The following GRID2 variants were observed in gnomAD, a reference collection of about 807,000 sequenced individuals.
GRID2 encodes the protein glutamate ionotropic receptor delta type subunit 2.
A neutral mutation model predicts 114.8 loss-of-function variants in GRID2; 33 were observed. That is an observed-to-expected ratio of 0.29 (90% CI 0.22 to 0.38). The LOEUF is 0.38. Among genes scored for constraint, GRID2 ranks in the 10% least tolerant of loss-of-function variants. The probability of loss-of-function intolerance (pLI) is 1.00; values close to 1 mark genes in which losing one functional copy is unlikely to be tolerated. For synonymous variants in GRID2, 505 were observed against 449.9 expected (o/e 1.12, Z -1.55); for missense variants, 1,184 against 1,257.7 (o/e 0.94, Z 0.89).
At chr4:92,897,371 TCAATCATA>T (rs1458219150) in intron 2 of GRID2, among the ~76,000 whole-genome samples, 9 of 152,144 alleles carry the variant, frequency 5.9e-5, no homozygotes, top group Non-Finnish European at 1.0e-4. Context: ...TAAACTATTC[TCAATCATA>T]CAAAACAGTG....
chr4:93,563,452 A>G (rs1034405133), intron 13 of GRID2, among the ~76,000 whole-genome samples: 1 of 151,918 alleles, frequency 6.6e-6, no homozygotes, highest in Non-Finnish European at 1.5e-5. Flanking sequence ...ATTCAGTCCT[A>G]AGGACAAACT....
At chr4:93,141,433 G>C (rs1301734519) in intron 4 of GRID2, among the ~76,000 whole-genome samples, 1 of 152,084 alleles carries the variant, frequency 6.6e-6, no homozygotes, top group Non-Finnish European at 1.5e-5. Flanking sequence ...CAAAAAGTGA[G>C]GAAGTAAGAC....
intron 4 of GRID2, among the ~76,000 whole-genome samples, chr4:93,140,160 C>CTTTTTTTTTTTTTTTTT (rs10684978): frequency 3.1e-5 from 4 of 128,264 alleles, no homozygotes; most frequent in Admixed American, 8.5e-5. Context: ...CTTTTCTTTT[C>CTTTTTTTTTTTTTTTTT]TTTTTTTTTT....
rs201021813 is a variant in GRID2 at position 92,452,818 on chromosome 4, G to GTTTACCATATATATATA, written c.89-137281_89-137265dup. 7.7e-3 allele frequency among the ~76,000 whole-genome samples: 1,079 copies of GTTTACCATATATATATA among 139,786 alleles called. 20 individuals are homozygous for GTTTACCATATATATATA. Among genetic ancestry groups the GTTTACCATATATATATA allele is most frequent in the African/African-American group, 0.03 (1,030 of 34,698 alleles). The allele number at this position is 139,786 out of a possible 152,430, so 91.7% of individuals were successfully genotyped here. On this transcript the variant is annotated intron_variant, in intron 1 of 15. Coordinates refer to ENST00000282020, the MANE Select transcript of GRID2 (RefSeq NM_001510.4). The stretch of plus-strand genomic sequence containing the variant: ...TATGATACATGTATATATAATATAT[G>GTTTACCATATATATATA]TTTACCATATATATATATTTACCAT...
chr4:92,701,250 T>C (rs1430672601), intron 2 of GRID2, among the ~76,000 whole-genome samples: 1 of 152,156 alleles, frequency 6.6e-6, no homozygotes, highest in African/African-American at 2.4e-5. Flanking sequence ...AAACCTAATA[T>C]TTTTTAGCCC....
At chr4:93,101,049 G>C (rs1161878935) in intron 3 of GRID2, among the ~76,000 whole-genome samples, 1 of 151,880 alleles carries the variant, frequency 6.6e-6, no homozygotes, top group African/African-American at 2.4e-5. Context: ...TTTTTGTTTT[G>C]CTCAACATTC....
At chr4:93,055,356 T>A (rs557605274) in intron 2 of GRID2, among the ~76,000 whole-genome samples, 1 of 151,732 alleles carries the variant, frequency 6.6e-6, no homozygotes, top group East Asian at 1.9e-4. Context: ...ATTCATAGGT[T>A]CTTCACTTGC....
intron 2 of GRID2, among the ~76,000 whole-genome samples, chr4:92,944,632 C>T (rs1045808125): frequency 7.9e-5 from 12 of 152,228 alleles, no homozygotes. Context: ...AAGTAGAAAT[C>T]ACCTCTCTTG....
chr4:92,952,307 T>C (rs768868718), intron 2 of GRID2, among the ~76,000 whole-genome samples: 1 of 152,228 alleles, frequency 6.6e-6, no homozygotes, highest in Non-Finnish European at 1.5e-5. Flanking sequence ...TGTTTACATA[T>C]TTTTATCATA....
At chr4:92,343,293 T>G (rs759544716) in intron 1 of GRID2, among the ~76,000 whole-genome samples, 2 of 151,508 alleles carry the variant, frequency 1.3e-5, no homozygotes, top group Non-Finnish European at 2.9e-5. Context: ...ATTATACACA[T>G]GCTTAGTACT....
chr4:93,299,630 A>G (rs1196474657), intron 8 of GRID2, among the ~76,000 whole-genome samples: 1 of 151,910 alleles, frequency 6.6e-6, no homozygotes, highest in African/African-American at 2.4e-5. Context: ...CGGCACACCA[A>G]CATGGCACAT....
intron 2 of GRID2, among the ~76,000 whole-genome samples, chr4:92,934,693 T>C (rs1323844778): frequency 5.5e-5 from 8 of 146,514 alleles, no homozygotes; most frequent in East Asian, 2.2e-4. Flanking sequence ...AACAGAGATA[T>C]AGATCAACAG....
intron 1 of GRID2, among the ~76,000 whole-genome samples, chr4:92,498,627 A>C (rs1211653068): frequency 6.6e-6 from 1 of 151,926 alleles, no homozygotes; most frequent in Non-Finnish European, 1.5e-5. Flanking sequence ...TGGACTAGGA[A>C]TAAATAAATA....
intron 2 of GRID2, among the ~76,000 whole-genome samples, chr4:93,064,637 A>T (rs778715455): frequency 4.6e-5 from 7 of 151,870 alleles, no homozygotes; most frequent in Non-Finnish European, 1.0e-4. Flanking sequence ...TGAATTACTA[A>T]CTAAAAGATT....
chr4:92,787,378 T>C (rs1406683540), intron 2 of GRID2, among the ~76,000 whole-genome samples: 1 of 151,288 alleles, frequency 6.6e-6, no homozygotes, highest in Non-Finnish European at 1.5e-5. Context: ...GAAAAAGAGG[T>C]GAGGAATTTT....
chr4:93,428,335 C>T (rs932351353), intron 10 of GRID2, among the ~76,000 whole-genome samples: 2 of 152,022 alleles, frequency 1.3e-5, no homozygotes, highest in African/African-American at 4.8e-5. Flanking sequence ...CTCATTTAAA[C>T]CATAATTAGT....
chr4:93,430,339 C>G (rs1006167071), intron 10 of GRID2, among the ~76,000 whole-genome samples: 3 of 152,124 alleles, frequency 2.0e-5, no homozygotes, highest in African/African-American at 7.2e-5. Context: ...CACCACCATA[C>G]CCGGCTAATT....
intron 4 of GRID2, among the ~76,000 whole-genome samples, chr4:93,173,260 G>GA (rs1224382442): frequency 3.9e-5 from 6 of 151,920 alleles, no homozygotes; most frequent in Non-Finnish European, 8.8e-5. Flanking sequence ...TATTAAAGTG[G>GA]AAAAAAACAG....
intron 1 of GRID2, among the ~76,000 whole-genome samples, chr4:92,524,501 G>A (rs1393111071): frequency 6.9e-6 from 1 of 144,964 alleles, no homozygotes; most frequent in East Asian, 2.1e-4. Context: ...CCAATGGTCA[G>A]TTGAGCCTTC....
Sources: allele counts gnomAD v4.1 joint callset (sites outside exome capture counted in the v4.1 genomes callset), GRCh38; gene constraint gnomAD v4.1.1; transcripts MANE v1.5; gene names NCBI Gene and HGNC (gene_info 2026-07-23, HGNC 2026-07-21).